Variants in CFAP54 observed in about 807,000 individuals in gnomAD.
CFAP54 encodes the protein cilia- and flagella-associated protein 54.
In CFAP54, 290 loss-of-function variants were observed where a neutral mutation model predicts 370.4. The observed-to-expected ratio is 0.78, with a 90% CI of 0.71 to 0.86. The LOEUF (loss-of-function observed/expected upper bound fraction) is 0.86, where lower values mean the gene tolerates loss of function less well. Among genes scored for constraint, CFAP54 ranks in the 40% least tolerant of loss-of-function variants. The probability of loss-of-function intolerance (pLI) is 0.00; values close to 1 mark genes in which losing one functional copy is unlikely to be tolerated. For missense variants in CFAP54, 3,399 were observed against 3,528.7 expected (o/e 0.96, Z 0.93); for synonymous variants, 1,206 against 1,236.5 (o/e 0.98, Z 0.52).
intron 9 of CFAP54, among the ~76,000 whole-genome samples, chr12:96,528,091 G>T (rs1049093148): frequency 2.6e-5 from 4 of 152,094 alleles, no homozygotes; most frequent in African/African-American, 9.7e-5. Flanking sequence ...AGTGGTGATA[G>T]CAGACTCCTT....
At chr12:96,716,580 A>T (rs1464074830) in intron 48 of CFAP54, among the ~76,000 whole-genome samples, 3 of 152,186 alleles carry the variant, frequency 2.0e-5, no homozygotes, top group Non-Finnish European at 4.4e-5. Flanking sequence ...ATCAGTCTTT[A>T]AATATCATGG....
chr12:96,520,264 C>T (rs1441443846), intron 6 of CFAP54, among the ~76,000 whole-genome samples: 3 of 152,122 alleles, frequency 2.0e-5, no homozygotes, highest in African/African-American at 7.2e-5. Flanking sequence ...TAACTTCAGG[C>T]TGGGCATGGT....
chr12:96,789,977 T>A (rs1958671131), intron 62 of CFAP54, among the ~76,000 whole-genome samples: 1 of 151,524 alleles, frequency 6.6e-6, no homozygotes, highest in Admixed American at 6.6e-5. Flanking sequence ...GCTATTTCAA[T>A]CAAACTCGTT....
chr12:96,503,011 C>G (rs2136349629), intron 2 of CFAP54, among the ~76,000 whole-genome samples: 1 of 151,456 alleles, frequency 6.6e-6, no homozygotes, highest in Admixed American at 6.6e-5. Context: ...CTTCCTTCCT[C>G]TCTCCCTCCC....
chr12:96,500,199 C>A (rs1244663300), intron 1 of CFAP54, among the ~76,000 whole-genome samples: 1 of 152,164 alleles, frequency 6.6e-6, no homozygotes, highest in African/African-American at 2.4e-5. Context: ...AGAAGCCAAT[C>A]TGAAAAGGCT....
intron 65 of CFAP54, among the ~76,000 whole-genome samples, chr12:96,821,805 TAGAAGTTA>T (rs2136742152): frequency 6.6e-6 from 1 of 152,084 alleles, no homozygotes; most frequent in South Asian, 2.1e-4. Flanking sequence ...TGGAGCTAAT[TAGAAGTTA>T]AGTAGGACAC....
chr12:96,822,228 G>C (rs977392306), intron 65 of CFAP54, among the ~76,000 whole-genome samples: 9 of 151,894 alleles, frequency 5.9e-5, no homozygotes, highest in African/African-American at 2.2e-4. Context: ...AGCCTGTCAG[G>C]TGTTCTAAAG....
At chr12:96,738,792 A>T (rs1958013263) in intron 50 of CFAP54, among the ~76,000 whole-genome samples, 1 of 151,984 alleles carries the variant, frequency 6.6e-6, no homozygotes, top group African/African-American at 2.4e-5. Context: ...TTGTATTTTT[A>T]GTAGAGACTG....
At chr12:96,808,347 C>T (rs1266953055) in intron 63 of CFAP54, among the ~76,000 whole-genome samples, 1 of 152,176 alleles carries the variant, frequency 6.6e-6, no homozygotes, top group Non-Finnish European at 1.5e-5. Context: ...TCTCCTGTTT[C>T]TGTCTTGAGT....
chr12:96,637,781 C>T (rs1002593967), intron 32 of CFAP54, among the ~76,000 whole-genome samples: 2 of 152,172 alleles, frequency 1.3e-5, no homozygotes, highest in East Asian at 1.9e-4. Flanking sequence ...ATTACATTCA[C>T]GTGTTGCATA....
chr12:96,725,527 G>T (rs1363225435), intron 50 of CFAP54, among the ~76,000 whole-genome samples: 1 of 152,000 alleles, frequency 6.6e-6, no homozygotes, highest in African/African-American at 2.4e-5. Context: ...CATTGATTTT[G>T]TATCCTGAGA....
chr12:96,503,813 A>G, intron 2 of CFAP54, 73 bp from the exon 3 acceptor site: 1 of 1,230,302 alleles, frequency 8.1e-7, no homozygotes, highest in South Asian at 1.7e-5. Context: ...ATTAGGAATA[A>G]TATGAATATT....
intron 4 of CFAP54, among the ~76,000 whole-genome samples, chr12:96,510,949 C>T (rs1275998275): frequency 6.7e-5 from 9 of 134,494 alleles, no homozygotes; most frequent in Admixed American, 5.8e-4. Flanking sequence ...GGTGACAGAG[C>T]GAGACTCTTA....
At chr12:96,692,574 G>A (rs1039091763) in intron 44 of CFAP54, among the ~76,000 whole-genome samples, 1 of 152,166 alleles carries the variant, frequency 6.6e-6, no homozygotes, top group Non-Finnish European at 1.5e-5. Flanking sequence ...AAAAGGTATC[G>A]TGTTATGTTT....
At chr12:96,776,951 G>A (rs1196696324) in intron 60 of CFAP54, among the ~76,000 whole-genome samples, 1 of 152,130 alleles carries the variant, frequency 6.6e-6, no homozygotes, top group Non-Finnish European at 1.5e-5. Flanking sequence ...GTTCATAGTG[G>A]TAGATATAAG....
chr12:96,836,779 T>C (rs1320518218), intron 66 of CFAP54, among the ~76,000 whole-genome samples: 1 of 152,180 alleles, frequency 6.6e-6, no homozygotes, highest in East Asian at 1.9e-4. Context: ...CCATTTTATA[T>C]GGTTGAATTT....
chr12:96,737,691 T>C (rs940147207), intron 50 of CFAP54, among the ~76,000 whole-genome samples: 2 of 152,032 alleles, frequency 1.3e-5, no homozygotes, highest in African/African-American at 4.8e-5. Context: ...GGTTTCACCG[T>C]GTTGACCAGG....
chr12:96,491,917 G>A (rs758191881), intron 1 of CFAP54, among the ~76,000 whole-genome samples: 3 of 152,034 alleles, frequency 2.0e-5, no homozygotes, highest in South Asian at 2.1e-4. Flanking sequence ...CTGCTACCAC[G>A]CCCGGCTAAT....
At position 96,489,798 on chromosome 12, in the gene CFAP54, G is replaced by A; in HGVS notation, c.189G>A (p.Gly63=). ...EDSLPLAVFY[G]PLDAKNPLLA... ...CATTGCCCCTAGCCGTGTTTTATGG[G>A]CCGCTGGACGCGAAAAACCCGCTCC... The change falls in exon 1 of 68, where the codon GGG becomes GGA. Residue 63 remains glycine, a synonymous_variant. Coordinates refer to ENST00000524981, the MANE Select transcript of CFAP54 (RefSeq NM_001306084.2). 6.5e-7 allele frequency: 1 copy of A among 1,536,028 alleles called. No individual in the cohort carries two copies. The highest frequency in any genetic ancestry group is 2.4e-5 in the East Asian group (1 of 40,926).
Sources: allele counts gnomAD v4.1 joint callset (sites outside exome capture counted in the v4.1 genomes callset), GRCh38; gene constraint gnomAD v4.1.1; transcripts MANE v1.5; gene names NCBI Gene and HGNC (gene_info 2026-07-23, HGNC 2026-07-21).